WDR4: variants seen among roughly 807,000 people sequenced by gnomAD.
The protein encoded by WDR4 is WDR4 tRNA N7-guanosine methyltransferase non-catalytic subunit.
Under a neutral mutation model 48.6 loss-of-function variants are expected in WDR4, and 47 were observed. That is an observed-to-expected ratio of 0.97 (90% CI 0.77 to 1.23). The LOEUF (loss-of-function observed/expected upper bound fraction) is 1.23. Among genes scored for constraint, WDR4 ranks in the 50% most tolerant of loss-of-function variants. WDR4 has a pLI of 0.00. For synonymous variants in WDR4, 268 were observed against 230.0 expected (o/e 1.17, Z -1.49); for missense variants, 606 against 551.6 (o/e 1.10, Z -0.99).
At chr21:42,848,668 G>A (rs866336440), downstream of WDR4, among the ~76,000 whole-genome samples, 24 of 109,976 alleles carry the variant, frequency 2.2e-4, no homozygotes, top group Middle Eastern at 8.5e-3. Flanking sequence ...CACGCGGCGC[G>A]CACCTCACTC....
chr21:42,855,105 G>A (rs956642396), intron 7 of WDR4, among the ~76,000 whole-genome samples: 1 of 151,478 alleles, frequency 6.6e-6, no homozygotes, highest in Non-Finnish European at 1.5e-5. Flanking sequence ...ACTCCAGCCT[G>A]GGCAAGAGTG....
In WDR4 at chr21:42,844,105, C is replaced by G. The variant is rs532597098; in HGVS notation, c.*9-824G>C. Among the ~76,000 whole-genome samples the G allele has an allele frequency of 2.0e-5, 3 of 152,212 alleles. No individual in the cohort carries two copies. The East Asian group carries it at 5.8e-4, about 29-fold the overall frequency. On this transcript the variant is annotated intron_variant, in intron 11 of 11. Transcript: ENST00000330317. ...CTTAAAAGATCAGTGGGCTTGAAGA[C>G]GTGGAAACAGAATCTACCAAAAATG...
intron 5 of WDR4, among the ~76,000 whole-genome samples, chr21:42,860,846 G>A (rs1465754857): frequency 6.6e-6 from 1 of 152,162 alleles, no homozygotes; most frequent in Non-Finnish European, 1.5e-5. Flanking sequence ...CACACCAACA[G>A]GCCCAACAGA....
the WDR4 span, chr21:42,886,988 TTATTTG>T: frequency 6.6e-6 from 1 of 152,220 alleles, no homozygotes; most frequent in African/African-American, 2.4e-5. Flanking sequence ...CCACTACTTT[TTATTTG>T]ATTTGATTTT....
At chr21:42,884,572 G>A in the WDR4 span, among the ~76,000 whole-genome samples, 418 of 151,674 alleles carry the variant, frequency 2.8e-3, 5 homozygotes, top group African/African-American at 9.2e-3. Flanking sequence ...ACTTGAACCC[G>A]GGAGGCAGAG....
upstream of WDR4, among the ~76,000 whole-genome samples, chr21:42,884,091 T>C (rs2058623389): frequency 6.6e-6 from 1 of 152,228 alleles, no homozygotes; most frequent in African/African-American, 2.4e-5. Flanking sequence ...TATTGTAGCA[T>C]GTATCAGTAC....
chr21:42,858,552 G>A (rs572585498), intron 6 of WDR4, among the ~76,000 whole-genome samples: 7 of 152,300 alleles, frequency 4.6e-5, no homozygotes, highest in Admixed American at 6.5e-5. Flanking sequence ...GACCCTCCTC[G>A]CGCCTTTTGG....
chr21:42,878,425 C>G (rs2058550039), intron 1 of WDR4, among the ~76,000 whole-genome samples: 1 of 152,236 alleles, frequency 6.6e-6, no homozygotes, highest in African/African-American at 2.4e-5. Context: ...ACAGCTCACT[C>G]TGGCAGATAT....
chr21:42,891,464 G>A, the WDR4 span, among the ~76,000 whole-genome samples: 1 of 152,096 alleles, frequency 6.6e-6, no homozygotes, highest in African/African-American at 2.4e-5. Flanking sequence ...CCAGCAAGAT[G>A]TCAACATCTG....
At chr21:42,884,090 A>G (rs1271577477), upstream of WDR4, among the ~76,000 whole-genome samples, 1 of 152,206 alleles carries the variant, frequency 6.6e-6, no homozygotes, top group Non-Finnish European at 1.5e-5. Context: ...ATATTGTAGC[A>G]TGTATCAGTA....
At chr21:42,853,521 C>A in intron 9 of WDR4, 48 bp downstream of exon 9, 1 of 1,570,130 alleles carries the variant, frequency 6.4e-7, no homozygotes, top group Non-Finnish European at 8.7e-7. Context: ...CACCCCCAGG[C>A]TTATGGAAAG....
intron 1 of WDR4, among the ~76,000 whole-genome samples, chr21:42,877,765 C>T (rs1054006581): frequency 2.0e-5 from 3 of 152,098 alleles, no homozygotes; most frequent in Non-Finnish European, 4.4e-5. Context: ...AAATTACGGG[C>T]CGGGCGCGGT....
chr21:42,868,333 A>G (rs1440079296), intron 3 of WDR4, among the ~76,000 whole-genome samples: 1 of 152,206 alleles, frequency 6.6e-6, no homozygotes, highest in Non-Finnish European at 1.5e-5. Flanking sequence ...GCAAGCTCAC[A>G]TTGAAGTAAG....
the WDR4 span, among the ~76,000 whole-genome samples, chr21:42,891,754 C>T: frequency 6.6e-6 from 1 of 151,006 alleles, no homozygotes; most frequent in Admixed American, 6.6e-5. Flanking sequence ...GTCAGGAGTT[C>T]GAGACCAGTC....
At chr21:42,885,619 T>A in the WDR4 span, among the ~76,000 whole-genome samples, 1 of 151,502 alleles carries the variant, frequency 6.6e-6, no homozygotes, top group Non-Finnish European at 1.5e-5. Context: ...AAAAAAAATA[T>A]ATAGATAGAT....
Position 42,879,344 on chromosome 21 carries a change from T to G in WDR4, c.89+63A>C, listed in dbSNP as rs986283950. 9.6e-6 allele frequency: 15 copies of G among 1,565,338 alleles called. No homozygotes were observed. The African/African-American group carries it at 1.4e-4, about 14-fold the overall frequency. The stretch of plus-strand genomic sequence containing the variant: ...ACCAGGCGGTGCGGGAGAAGCGGGG[T>G]CGCCAGGACCCGACGCGCGCCCGCA... On this transcript the variant is annotated intron_variant, in intron 1 of 10. Coordinates refer to ENST00000398208, the MANE Select transcript of WDR4 (RefSeq NM_018669.6).
chr21:42,891,280 C>T, the WDR4 span, among the ~76,000 whole-genome samples: 10 of 151,472 alleles, frequency 6.6e-5, no homozygotes, highest in Non-Finnish European at 1.0e-4. Context: ...CGAGATTGCC[C>T]CTGCGCCACT....
intron 7 of WDR4, 90 bp from the exon 8 acceptor site, chr21:42,854,716 G>T: frequency 2.5e-6 from 3 of 1,216,550 alleles, no homozygotes; most frequent in Non-Finnish European, 1.2e-6. Flanking sequence ...ACCGAAGGAC[G>T]CTCACGCCCC....
chr21:42,864,222 G>A (rs188837438), intron 3 of WDR4, among the ~76,000 whole-genome samples: 6 of 151,314 alleles, frequency 4.0e-5, no homozygotes, highest in African/African-American at 1.5e-4. Context: ...TTTGAAAACT[G>A]TCATCAAGAA....
Sources: gnomAD v4.1 joint callset for allele counts (sites outside exome capture counted in the v4.1 genomes callset) on GRCh38, gnomAD v4.1.1 for gene constraint, MANE v1.5 for transcripts, NCBI Gene and HGNC (gene_info 2026-07-23, HGNC 2026-07-21) for gene names.